The following MEGF6 variants were observed in gnomAD, a reference collection of about 807,000 sequenced individuals.
The protein encoded by MEGF6 is multiple epidermal growth factor-like domains protein 6.
In MEGF6, 184 loss-of-function variants were observed where a neutral mutation model predicts 207.1. The observed-to-expected ratio is 0.89, with a 90% CI of 0.79 to 1.00. MEGF6 has a LOEUF of 1.00. Among genes scored for constraint, MEGF6 ranks in the 50% least tolerant of loss-of-function variants. MEGF6 has a pLI of 0.00. For missense variants in MEGF6, 2,282 were observed against 2,202.9 expected, an observed-to-expected ratio of 1.04 and a Z score of -0.72; for synonymous variants, 1,038 against 910.0, an observed-to-expected ratio of 1.14 and a Z score of -2.53.
At chr1:3,615,428 G>A (rs971246005), upstream of MEGF6, among the ~76,000 whole-genome samples, 1 of 152,192 alleles carries the variant, frequency 6.6e-6, no homozygotes. Flanking sequence ...CATGGCTTCA[G>A]AGACCTGTTG....
intron 4 of MEGF6, among the ~76,000 whole-genome samples, chr1:3,563,746 G>C (rs1008269545): frequency 2.0e-5 from 3 of 152,166 alleles, no homozygotes; most frequent in Non-Finnish European, 4.4e-5. Flanking sequence ...GGAGGCCCTG[G>C]GGTCAGCAAG....
chr1:3,525,529 G>C (rs112872050), intron 4 of MEGF6, among the ~76,000 whole-genome samples: 67 of 152,360 alleles, frequency 4.4e-4, no homozygotes, highest in African/African-American at 1.4e-3. Flanking sequence ...TGGCTGAAGA[G>C]AGCAGGGAGG....
intron 9 of MEGF6, 61 bp from the exon 10 acceptor site, chr1:3,510,963 C>A (rs867914766): frequency 2.2e-6 from 3 of 1,384,426 alleles, no homozygotes; most frequent in Non-Finnish European, 3.0e-6. Flanking sequence ...CACGCCCCCA[C>A]CCACACACAA....
At chr1:3,586,827 C>CG (rs1161984584) in intron 3 of MEGF6, among the ~76,000 whole-genome samples, 7 of 152,316 alleles carry the variant, frequency 4.6e-5, no homozygotes, top group African/African-American at 1.7e-4. Flanking sequence ...GGAGACCTGC[C>CG]GGGCCCGCCG....
At chr1:3,514,799 G>A in intron 6 of MEGF6, 127 bp from the exon 7 acceptor site, 1 of 1,142,656 alleles carries the variant, frequency 8.8e-7, no homozygotes, top group Non-Finnish European at 1.2e-6. Context: ...CAGGCTGATG[G>A]GCTGGGCAGC....
chr1:3,536,595 C>T (rs190495397), intron 4 of MEGF6, among the ~76,000 whole-genome samples: 5 of 152,318 alleles, frequency 3.3e-5, no homozygotes, highest in Admixed American at 6.5e-5. Context: ...ACGTCCCAGC[C>T]GGAGAATGTG....
chr1:3,601,870 G>C (rs1432802512), intron 2 of MEGF6, among the ~76,000 whole-genome samples: 1 of 152,238 alleles, frequency 6.6e-6, no homozygotes, highest in Non-Finnish European at 1.5e-5. Flanking sequence ...GCAGATCCCA[G>C]GCTGAGAAGC....
At chr1:3,529,353 G>A (rs775910255) in intron 4 of MEGF6, among the ~76,000 whole-genome samples, 12 of 152,184 alleles carry the variant, frequency 7.9e-5, no homozygotes, top group Non-Finnish European at 1.3e-4. Flanking sequence ...CAGGGACAAC[G>A]GCCCACCCTG....
intron 7 of MEGF6, among the ~76,000 whole-genome samples, chr1:3,514,167 G>A (rs1477525338): frequency 1.3e-5 from 2 of 152,068 alleles, no homozygotes; most frequent in East Asian, 1.9e-4. Flanking sequence ...AGAATGGCGT[G>A]AGCCTGGGAG....
At chr1:3,563,867 G>T (rs766345421) in intron 4 of MEGF6, among the ~76,000 whole-genome samples, 2 of 152,178 alleles carry the variant, frequency 1.3e-5, no homozygotes, top group Admixed American at 6.5e-5. Flanking sequence ...AGGGAAGTCA[G>T]ACCTGCCAGG....
intron 3 of MEGF6, among the ~76,000 whole-genome samples, chr1:3,587,472 C>T (rs1254476818): frequency 6.6e-6 from 1 of 152,232 alleles, no homozygotes; most frequent in African/African-American, 2.4e-5. Flanking sequence ...AATGTTTAAC[C>T]TATAGCATTT....
At chr1:3,575,464 G>A (rs1385163560) in intron 4 of MEGF6, among the ~76,000 whole-genome samples, 1 of 152,124 alleles carries the variant, frequency 6.6e-6, no homozygotes, top group African/African-American at 2.4e-5. Flanking sequence ...ATGGCAGCTG[G>A]GTGCTCTTGT....
chr1:3,621,552 T>TATATAAA, the MEGF6 span, among the ~76,000 whole-genome samples: 1 of 152,260 alleles, frequency 6.6e-6, no homozygotes, highest in Non-Finnish European at 1.5e-5. Context: ...CTAGATCTAG[T>TATATAAA]ATAACTCTTG....
intron 4 of MEGF6, among the ~76,000 whole-genome samples, chr1:3,526,282 C>T (rs1489007094): frequency 6.6e-6 from 1 of 152,176 alleles, no homozygotes; most frequent in African/African-American, 2.4e-5. Flanking sequence ...CAACATAGAC[C>T]AACTATAGGA....
At chr1:3,622,166 T>C in the MEGF6 span, among the ~76,000 whole-genome samples, 2 of 152,292 alleles carry the variant, frequency 1.3e-5, no homozygotes, top group African/African-American at 4.8e-5. Context: ...TGATATGGTT[T>C]AGCTGTGTCC....
intron 5 of MEGF6, among the ~76,000 whole-genome samples, chr1:3,516,495 G>A (rs571178462): frequency 5.8e-4 from 89 of 152,314 alleles, no homozygotes; most frequent in African/African-American, 2.0e-3. Context: ...CCAAAGCGCC[G>A]AGACTCTCTC....
chr1:3,502,009 C>A (rs1640898569), intron 17 of MEGF6, 88 bp from the exon 18 acceptor site: 1 of 1,535,716 alleles, frequency 6.5e-7, no homozygotes, highest in Admixed American at 2.2e-5. Flanking sequence ...GGTGAGTGTG[C>A]CCCCTGTGCC....
rs774937881 is a variant in MEGF6, at chr1:3,498,458, C to A, written c.3265G>T (p.Gly1089Cys). The change falls in exon 26 of 37, where the codon GGC (glycine) becomes TGC (cysteine). Residue 1089 changes from glycine (G) to cysteine (C), a missense_variant. Gly to Cys is a radical substitution (Grantham distance 159, BLOSUM62 -3). Transcript: ENST00000356575. Reference sequence around the variant, plus strand: ...CACAGGCCCCCGTTGAGGCAACCGCCGCTGTGCCGGCAGCCAGCTCTGACG... The same window carrying A: ...CACAGGCCCCCGTTGAGGCAACCGCAGCTGTGCCGGCAGCCAGCTCTGACG... ...RDVRAGCRHS[G>C]GCLNGGLCDP... 1 of 1,583,482 alleles carries A rather than the reference C, an allele frequency of 6.3e-7. No homozygotes were observed. Among genetic ancestry groups the A allele is most frequent in the Non-Finnish European group, 8.6e-7 (1 of 1,167,460 alleles).
chr1:3,554,283 C>G (rs1204648892), intron 4 of MEGF6, among the ~76,000 whole-genome samples: 1 of 152,146 alleles, frequency 6.6e-6, no homozygotes, highest in Non-Finnish European at 1.5e-5. Context: ...ACCAGCGCCC[C>G]GACCAGGCGG....
Sources: allele counts gnomAD v4.1 joint callset (sites outside exome capture counted in the v4.1 genomes callset), GRCh38; gene constraint gnomAD v4.1.1; transcripts MANE v1.5; gene names NCBI Gene and HGNC (gene_info 2026-07-23, HGNC 2026-07-21).